The following CFAP54 variants were observed in gnomAD, a reference collection of about 807,000 sequenced individuals.
CFAP54 encodes the protein cilia- and flagella-associated protein 54.
CFAP54 carries 290 observed loss-of-function variants against 370.4 expected under a neutral mutation model. The observed-to-expected ratio is 0.78, with a 90% CI of 0.71 to 0.86. The LOEUF (loss-of-function observed/expected upper bound fraction) is 0.86, where lower values mean the gene tolerates loss of function less well. CFAP54 is among the 40% of genes least tolerant of loss of function. CFAP54 has a pLI of 0.00. For missense variants in CFAP54, 3,399 were observed against 3,528.7 expected (o/e 0.96, Z 0.93); for synonymous variants, 1,206 against 1,236.5 (o/e 0.98, Z 0.52).
intron 1 of CFAP54, among the ~76,000 whole-genome samples, chr12:96,493,309 T>C (rs993232380): frequency 1.3e-5 from 2 of 152,210 alleles, no homozygotes; most frequent in Non-Finnish European, 2.9e-5. Flanking sequence ...GAGAGGGAGA[T>C]AGATGTTCAA....
chr12:96,866,960 G>A (rs1229061853), intron 67 of CFAP54, among the ~76,000 whole-genome samples: 1 of 152,140 alleles, frequency 6.6e-6, no homozygotes, highest in African/African-American at 2.4e-5. Context: ...TATTGGCTGG[G>A]AAAATGCTCA....
At position 96,580,923 on chromosome 12, in the gene CFAP54, C is replaced by T. The variant is rs1956027151; in HGVS notation, c.2893C>T (p.Pro965Ser). 6.7e-7 allele frequency: 1 copy of T among 1,489,844 alleles called. No homozygotes were observed. The highest frequency in any genetic ancestry group is 8.9e-7 in the Non-Finnish European group (1 of 1,123,774). The allele number at this position is 1,489,844 out of a possible 1,614,324, so 92.3% of individuals were successfully genotyped here. ...NHLPNSGEAIPADGKSVFEVK... is the reference protein window; with the variant it reads ...NHLPNSGEAISADGKSVFEVK... ...TGAAATATATTTTTCTTAATAGATACCAGCTGACGGTAAAAGTGTTTTTGA... is the reference window on the plus strand; with the variant it reads ...TGAAATATATTTTTCTTAATAGATATCAGCTGACGGTAAAAGTGTTTTTGA... Residue 965 changes from proline (P) to serine (S), a missense_variant, in exon 22 of 68, where the codon CCA (proline) becomes TCA (serine). Around this residue, in one of 3 missense-constraint regions of CFAP54, gnomAD observed 2,796 missense variants for 2,869.7 expected, o/e 0.97. Transcript: ENST00000524981.
In CFAP54 at chr12:96,719,576, A is replaced by T. The variant is rs74572769; in HGVS notation, c.6805-829A>T. On this transcript the variant is annotated intron_variant, in intron 49 of 67. Transcript: ENST00000524981. Reference sequence around the variant, plus strand: ...AGATTCTGTGTTTGCTAATTTGCAGATCTACTGAAATTTATTTGTAGCCTG... The same window carrying T: ...AGATTCTGTGTTTGCTAATTTGCAGTTCTACTGAAATTTATTTGTAGCCTG... 2.1e-3 allele frequency among the ~76,000 whole-genome samples: 325 copies of T among 152,326 alleles called. 9 individuals carry two copies. Among genetic ancestry groups the T allele is most frequent in the East Asian group, 0.021 (107 of 5,186 alleles).
At chr12:96,559,528 C>T (rs1340988720) in intron 17 of CFAP54, among the ~76,000 whole-genome samples, 1 of 152,034 alleles carries the variant, frequency 6.6e-6, no homozygotes, top group Non-Finnish European at 1.5e-5. Context: ...CACCTAAATC[C>T]ACCAATCATG....
At chr12:96,649,165 G>A (rs1317674344) in intron 34 of CFAP54, among the ~76,000 whole-genome samples, 2 of 152,206 alleles carry the variant, frequency 1.3e-5, no homozygotes, top group Non-Finnish European at 2.9e-5. Context: ...TTATGTTTGA[G>A]GGACTTGGCA....
At chr12:96,540,647 A>G (rs1256127879) in intron 13 of CFAP54, among the ~76,000 whole-genome samples, 190 bp from the exon 14 acceptor site, 4 of 152,246 alleles carry the variant, frequency 2.6e-5, no homozygotes, top group Non-Finnish European at 4.4e-5. Context: ...ATTACTAAAT[A>G]TCATTTTAAA....
rs551679763 is a variant in CFAP54 at position 96,719,260 on chromosome 12, T to C, written c.6804+738T>C. On this transcript the variant is annotated intron_variant, in intron 49 of 67. Coordinates refer to ENST00000524981, the MANE Select transcript of CFAP54 (RefSeq NM_001306084.2). ...TAGACATCTAAGAATTTGACTAATA[T>C]CATACAACTAATAAAATATAGATCC... is the stretch of plus-strand genomic sequence containing the variant. 3.3e-5 allele frequency among the ~76,000 whole-genome samples: 5 copies of C among 152,272 alleles called. No individual in the cohort carries two copies. The South Asian group carries it at 1.0e-3, about 32-fold the overall frequency.
At chr12:96,834,573 C>T (rs970851760) in intron 66 of CFAP54, among the ~76,000 whole-genome samples, 4 of 152,198 alleles carry the variant, frequency 2.6e-5, no homozygotes, top group African/African-American at 4.8e-5. Context: ...CTGGACCAGG[C>T]GAACCAGAAG....
At chr12:96,842,602 A>G (rs1220128674) in intron 66 of CFAP54, among the ~76,000 whole-genome samples, 1 of 152,240 alleles carries the variant, frequency 6.6e-6, no homozygotes, top group Non-Finnish European at 1.5e-5. Flanking sequence ...GATGAACAAA[A>G]AAAAATTAAG....
At chr12:96,639,982 G>C (rs1381115220) in intron 32 of CFAP54, among the ~76,000 whole-genome samples, 1 of 152,070 alleles carries the variant, frequency 6.6e-6, no homozygotes, top group Non-Finnish European at 1.5e-5. Flanking sequence ...ATACTGAATG[G>C]GCAAAAACTG....
intron 22 of CFAP54, among the ~76,000 whole-genome samples, chr12:96,589,136 T>C (rs1477688153): frequency 6.6e-6 from 1 of 152,244 alleles, no homozygotes; most frequent in Non-Finnish European, 1.5e-5. Context: ...TTGGCTCAGA[T>C]GTGATCTTTG....
chr12:96,575,725 A>G (rs1955968549), intron 19 of CFAP54, among the ~76,000 whole-genome samples: 1 of 152,098 alleles, frequency 6.6e-6, no homozygotes, highest in African/African-American at 2.4e-5. Context: ...TTACATCTGA[A>G]TGCATATTTC....
At position 96,589,448 on chromosome 12, in the gene CFAP54, T is replaced by C; in HGVS notation, c.3097T>C (p.Tyr1033His). The change falls in exon 23 of 68, where the codon TAT becomes CAT. Residue 1033 changes from tyrosine to histidine, a missense_variant. Physicochemically the swap from Tyr to His is moderately conservative, Grantham distance 83 (BLOSUM62 2). This residue lies in a region of CFAP54 where 2,796 missense variants were observed against 2,869.7 expected (regional missense o/e 0.97). Coordinates refer to ENST00000524981, the MANE Select transcript of CFAP54 (RefSeq NM_001306084.2). ...LTQVAYQVGN[Y>H]ELAKKVFSPV... ...ATAGGTTGCCTATCAAGTTGGTAAC[T>C]ATGAATTGGCTAAGAAAGTTTTCTC... 6.5e-7 allele frequency: 1 copy of C among 1,532,878 alleles called. No homozygotes were observed. The allele number at this position is 1,532,878 out of a possible 1,614,324, so 95.0% of individuals were successfully genotyped here.
intron 19 of CFAP54, among the ~76,000 whole-genome samples, chr12:96,571,160 G>A (rs958428353): frequency 2.0e-5 from 3 of 152,110 alleles, no homozygotes; most frequent in African/African-American, 7.2e-5. Context: ...GTGTTTTGCT[G>A]CACTGTGGGC....
intron 19 of CFAP54, among the ~76,000 whole-genome samples, chr12:96,571,639 A>G (rs1056991316): frequency 2.0e-5 from 3 of 152,190 alleles, no homozygotes; most frequent in Non-Finnish European, 4.4e-5. Context: ...GAGCACTGCT[A>G]TTATAGACAA....
chr12:96,631,377 A>C (rs1371379642), intron 32 of CFAP54, among the ~76,000 whole-genome samples: 1 of 151,856 alleles, frequency 6.6e-6, no homozygotes, highest in Non-Finnish European at 1.5e-5. Flanking sequence ...CTATGCCAAA[A>C]TTTCGTGTTT....
In CFAP54 at chr12:96,581,002, C is replaced by G; in HGVS notation, c.2972C>G (p.Ser991Cys). 2 of 1,534,098 alleles carry G rather than the reference C, an allele frequency of 1.3e-6. No individual in the cohort carries two copies. The highest frequency in any genetic ancestry group is 1.7e-6 in the Non-Finnish European group (2 of 1,145,654). Residue 991 changes from serine to cysteine, a missense_variant, in exon 22 of 68, where the codon TCT (serine) becomes TGT (cysteine). By Grantham distance (112) the Ser-to-Cys change is moderately radical. This residue lies in a region of CFAP54 where 2,796 missense variants were observed against 2,869.7 expected (regional missense o/e 0.97). Transcript: ENST00000524981. ...EKYVFAVAAY[S>C]NNGKLVGGAI... ...TATGTATTTGCAGTTGCTGCCTATT[C>G]TAACAACGGAAAGCTTGTCGGTGGT...
In CFAP54 at chr12:96,670,359, G is replaced by A. The variant is rs562944802; in HGVS notation, c.5563+6427G>A. Among the ~76,000 whole-genome samples, 14 of 152,254 alleles carry A rather than the reference G, an allele frequency of 9.2e-5. 1 individual carries two copies. The highest frequency in any genetic ancestry group is 3.4e-4 in the African/African-American group (14 of 41,550). On this transcript the variant is annotated intron_variant, in intron 39 of 67. Coordinates refer to ENST00000524981, the MANE Select transcript of CFAP54 (RefSeq NM_001306084.2). Reference sequence around the variant, plus strand: ...TCTTATGAATGCTTTGTGAATATTAGCTTACAGTCACCTAATGAGGTAGGT... The same window carrying A: ...TCTTATGAATGCTTTGTGAATATTAACTTACAGTCACCTAATGAGGTAGGT...
chr12:96,631,070 A>G (rs1956602412), intron 32 of CFAP54, among the ~76,000 whole-genome samples: 1 of 151,848 alleles, frequency 6.6e-6, no homozygotes, highest in Admixed American at 6.6e-5. Context: ...TACATTCTTT[A>G]TATATCTTAC....
Sources: allele counts gnomAD v4.1 joint callset (sites outside exome capture counted in the v4.1 genomes callset), GRCh38; gene constraint gnomAD v4.1.1; regional missense constraint gnomAD v4.1.1; transcripts MANE v1.5; gene names NCBI Gene and HGNC (gene_info 2026-07-23, HGNC 2026-07-21).